PARD3: variants seen among roughly 807,000 people sequenced by gnomAD.
The protein encoded by PARD3 is partitioning defective 3 homolog.
Under a neutral mutation model 155.4 loss-of-function variants are expected in PARD3, and 75 were observed. The observed-to-expected ratio is 0.48, with a 90% CI of 0.40 to 0.58. The LOEUF is 0.58. Ranked by LOEUF, PARD3 falls within the 20% of genes least tolerant of loss-of-function variation. PARD3 has a pLI of 0.00. For synonymous variants in PARD3, 576 were observed against 610.5 expected, an observed-to-expected ratio of 0.94 and a Z score of 0.83; for missense variants, 1,642 against 1,721.7, an observed-to-expected ratio of 0.95 and a Z score of 0.82.
At chr10:34,232,850 G>A (rs1490149753) in intron 22 of PARD3, among the ~76,000 whole-genome samples, 1 of 151,784 alleles carries the variant, frequency 6.6e-6, no homozygotes, top group Non-Finnish European at 1.5e-5. Context: ...ACAGGCACAT[G>A]CCATCACGTG....
intron 22 of PARD3, among the ~76,000 whole-genome samples, chr10:34,142,367 C>A (rs1262166044): frequency 2.6e-5 from 4 of 151,558 alleles, no homozygotes; most frequent in African/African-American, 7.3e-5. Context: ...CATCGCAAGA[C>A]CCCATCTCTA....
intron 2 of PARD3, among the ~76,000 whole-genome samples, chr10:34,574,600 G>T (rs1590073462): frequency 6.6e-6 from 1 of 152,180 alleles, no homozygotes; most frequent in Admixed American, 6.5e-5. Flanking sequence ...GCCTCACTCA[G>T]GCAGTTTAGT....
At chr10:34,249,971 A>C (rs1264224565) in intron 22 of PARD3, among the ~76,000 whole-genome samples, 2 of 152,126 alleles carry the variant, frequency 1.3e-5, no homozygotes, top group African/African-American at 4.8e-5. Flanking sequence ...TCATCTGGTG[A>C]GCATGCCACA....
chr10:34,467,329 T>TTGTGTGTGTGTGTGTG (rs61218571), intron 4 of PARD3, among the ~76,000 whole-genome samples: 92 of 147,086 alleles, frequency 6.3e-4, no homozygotes, highest in African/African-American at 1.7e-3. Flanking sequence ...TGACTCCAAC[T>TTGTGTGTGTGTGTGTG]TGTGTGTGTG....
intron 4 of PARD3, among the ~76,000 whole-genome samples, chr10:34,451,573 G>T (rs1052368495): frequency 5.9e-5 from 9 of 152,108 alleles, no homozygotes; most frequent in Admixed American, 5.9e-4. Context: ...TCCTTCATGA[G>T]TTCCATCAGG....
chr10:34,546,856 T>C (rs1474311325), intron 2 of PARD3, among the ~76,000 whole-genome samples: 2 of 152,196 alleles, frequency 1.3e-5, no homozygotes, highest in African/African-American at 4.8e-5. Context: ...CATTAGAATT[T>C]AGGACCATTC....
chr10:34,277,923 T>C (rs1955967142), intron 21 of PARD3, among the ~76,000 whole-genome samples: 1 of 152,158 alleles, frequency 6.6e-6, no homozygotes, highest in Non-Finnish European at 1.5e-5. Flanking sequence ...ATACATATTC[T>C]TGGGAATAAG....
chr10:34,718,149 C>CAAAAAA (rs71033340), intron 1 of PARD3, among the ~76,000 whole-genome samples: 2 of 82,746 alleles, frequency 2.4e-5, no homozygotes, highest in Non-Finnish European at 4.9e-5. Flanking sequence ...GACTCCATCT[C>CAAAAAA]AAAAAAAAAA....
intron 2 of PARD3, among the ~76,000 whole-genome samples, chr10:34,686,372 G>A (rs1009492095): frequency 2.6e-5 from 4 of 151,606 alleles, no homozygotes; most frequent in Middle Eastern, 3.4e-3. Context: ...GGCCATAGTT[G>A]AAAATTCTAT....
intron 15 of PARD3, chr10:34,346,438 A>G (rs780087661): frequency 1.5e-6 from 2 of 1,348,830 alleles, no homozygotes; most frequent in Non-Finnish European, 2.0e-6. Flanking sequence ...CAGTATGGCA[A>G]GTCCTATGTT....
intron 15 of PARD3, among the ~76,000 whole-genome samples, chr10:34,347,420 T>C (rs553888172): frequency 1.3e-5 from 2 of 152,234 alleles, no homozygotes; most frequent in East Asian, 3.9e-4. Flanking sequence ...TGCAGAAGAC[T>C]AGTTTCGCGA....
At chr10:34,531,050 A>G (rs1350546635) in intron 2 of PARD3, among the ~76,000 whole-genome samples, 1 of 152,172 alleles carries the variant, frequency 6.6e-6, no homozygotes, top group African/African-American at 2.4e-5. Context: ...CAATCAAAAG[A>G]TTGGCAGCTG....
chr10:34,403,437 A>C (rs140906848), intron 5 of PARD3, among the ~76,000 whole-genome samples: 59 of 152,352 alleles, frequency 3.9e-4, no homozygotes, highest in African/African-American at 1.4e-3. Flanking sequence ...ACAACAGATA[A>C]GCAAGAGTTA....
At chr10:34,594,215 C>G (rs1352164349) in intron 2 of PARD3, among the ~76,000 whole-genome samples, 1 of 152,082 alleles carries the variant, frequency 6.6e-6, no homozygotes, top group African/African-American at 2.4e-5. Context: ...TTCTGTTCAA[C>G]CTAAGCATGC....
intron 22 of PARD3, among the ~76,000 whole-genome samples, chr10:34,175,495 C>T (rs995216342): frequency 6.6e-6 from 1 of 152,140 alleles, no homozygotes; most frequent in African/African-American, 2.4e-5. Flanking sequence ...TAAACTTGCA[C>T]ATTTAAATTG....
rs77032273 is a variant in PARD3 at position 34,546,782 on chromosome 10, T to C, written c.223-29623A>G. Among the ~76,000 whole-genome samples the C allele has an allele frequency of 3.2e-4, 49 of 152,360 alleles. 1 individual carries two copies. The East Asian group carries it at 9.5e-3, about 29-fold the overall frequency. On this transcript the variant is annotated intron_variant, in intron 2 of 24. Transcript: ENST00000374788. ...TTGGAATTAACCGAACTGGCTTTCC[T>C]ATTATTTCATAAATTTTTTTAGCTA...
At chr10:34,403,861 C>T (rs537911510) in intron 5 of PARD3, among the ~76,000 whole-genome samples, 5 of 152,160 alleles carry the variant, frequency 3.3e-5, no homozygotes, top group Non-Finnish European at 7.4e-5. Flanking sequence ...TGTTTATAAA[C>T]CAGATGTAGG....
chr10:34,333,751 C>T (rs61842467), intron 18 of PARD3, among the ~76,000 whole-genome samples: 11,216 of 152,038 alleles, frequency 0.074, 565 homozygotes, highest in Non-Finnish European at 0.1. Context: ...AAAGTTGCAA[C>T]AGAGATCTAA....
intron 3 of PARD3, among the ~76,000 whole-genome samples, chr10:34,490,386 A>G (rs2079814827): frequency 6.6e-6 from 1 of 151,736 alleles, no homozygotes; most frequent in Non-Finnish European, 1.5e-5. Flanking sequence ...GGAAGGGCAC[A>G]TTACAGAGAG....
Sources: gnomAD v4.1 joint callset for allele counts (sites outside exome capture counted in the v4.1 genomes callset) on GRCh38, gnomAD v4.1.1 for gene constraint, MANE v1.5 for transcripts, NCBI Gene and HGNC (gene_info 2026-07-23, HGNC 2026-07-21) for gene names.